PPP3CC: variants seen among roughly 807,000 people sequenced by gnomAD.
The protein encoded by PPP3CC is serine/threonine-protein phosphatase 2B catalytic subunit gamma isoform.
A neutral mutation model predicts 60.3 loss-of-function variants in PPP3CC; 35 were observed. The ratio of observed to expected loss-of-function variants is 0.58; its 90% CI spans 0.44 to 0.77. The LOEUF is 0.77. Among genes scored for constraint, PPP3CC ranks in the 30% least tolerant of loss-of-function variants. The pLI is 0.00. For synonymous variants in PPP3CC, 206 were observed against 224.3 expected (o/e 0.92, Z 0.73); for missense variants, 570 against 628.9 (o/e 0.91, Z 1.00).
At chr8:22,498,950 CCT>C (rs1223742605) in intron 4 of PPP3CC, among the ~76,000 whole-genome samples, 7 of 150,976 alleles carry the variant, frequency 4.6e-5, no homozygotes, top group Admixed American at 1.3e-4. Context: ...TGATGAAACC[CCT>C]GTCTCTACTC....
chr8:22,520,565 A>C (rs1477453271), intron 6 of PPP3CC, among the ~76,000 whole-genome samples: 1 of 151,566 alleles, frequency 6.6e-6, no homozygotes, highest in Admixed American at 6.6e-5. Context: ...TAAGTTTCCC[A>C]GTTCTTTTCT....
At chr8:22,480,026 A>G (rs1435594298) in intron 3 of PPP3CC, among the ~76,000 whole-genome samples, 1 of 152,118 alleles carries the variant, frequency 6.6e-6, no homozygotes, top group Non-Finnish European at 1.5e-5. Flanking sequence ...ATTTTTATTT[A>G]GCCTATTGCA....
intron 8 of PPP3CC, among the ~76,000 whole-genome samples, chr8:22,523,997 G>A (rs1839476207): frequency 6.6e-6 from 1 of 152,228 alleles, no homozygotes; most frequent in Admixed American, 6.5e-5. Flanking sequence ...ACTTTTAAGT[G>A]TGTCACATTT....
chr8:22,534,950 C>G (rs185635420), intron 12 of PPP3CC, among the ~76,000 whole-genome samples: 1 of 152,156 alleles, frequency 6.6e-6, no homozygotes, highest in Non-Finnish European at 1.5e-5. Context: ...GTCACTTCCT[C>G]TGGTGGGAGA....
At chr8:22,512,383 G>T (rs1282569714) in intron 5 of PPP3CC, among the ~76,000 whole-genome samples, 1 of 152,076 alleles carries the variant, frequency 6.6e-6, no homozygotes, top group African/African-American at 2.4e-5. Flanking sequence ...TTCTCTTCTT[G>T]GCATTCAGCT....
intron 3 of PPP3CC, among the ~76,000 whole-genome samples, chr8:22,484,246 C>T (rs971878588): frequency 1.1e-4 from 16 of 152,082 alleles, no homozygotes; most frequent in African/African-American, 3.9e-4. Context: ...TTTATATGAG[C>T]ACTTGTTTAC....
At chr8:22,531,879 G>A (rs1165577295) in intron 10 of PPP3CC, among the ~76,000 whole-genome samples, 1 of 152,202 alleles carries the variant, frequency 6.6e-6, no homozygotes, top group East Asian at 1.9e-4. Flanking sequence ...AGACATCTTT[G>A]CTGTAGCAGC....
chr8:22,520,502 ATTCTTTT>A (rs1211059148), intron 6 of PPP3CC, among the ~76,000 whole-genome samples: 1 of 151,676 alleles, frequency 6.6e-6, no homozygotes, highest in African/African-American at 2.4e-5. Flanking sequence ...ATTCTTTTTT[ATTCTTTT>A]TTCTTTTTGT....
Position 22,441,344 on chromosome 8 carries a change from G to T in PPP3CC, c.-66G>T. The T allele has an allele frequency of 6.7e-7, 1 of 1,484,432 alleles. No individual in the cohort carries two copies. Among genetic ancestry groups the T allele is most frequent in the Non-Finnish European group, 9.0e-7 (1 of 1,114,164 alleles). 92.0% of individuals were successfully genotyped at this position (1,484,432 alleles called of 1,614,324 possible). On this transcript the variant is annotated 5_prime_UTR_variant, in exon 1 of 14. In the 5' UTR this introduces an upstream ATG that the reference lacks. Transcript: ENST00000240139. ...GGCAGCTAAGGCTGCCCGAGGAGAAGGCGGCGGCCGCGGCGTAGGCGCACG... is the reference window on the plus strand; with the variant it reads ...GGCAGCTAAGGCTGCCCGAGGAGAATGCGGCGGCCGCGGCGTAGGCGCACG...
Position 22,513,307 on chromosome 8 carries a change from G to A in PPP3CC, c.645G>A (p.Thr215=), listed in dbSNP as rs139794851. Residue 215 remains threonine (T), a synonymous_variant, in exon 6 of 14, where the codon ACG becomes ACA. Transcript: ENST00000240139. The part of the protein sequence containing the change: ...LDDIRKLDRF[T]EPPAFGPVCD... ...GTGTCTTCTAGTTAGACAGGTTTAC[G>A]GAACCTCCCGCCTTTGGACCTGTGT... The A allele has an allele frequency of 5.0e-6, 8 of 1,610,486 alleles. No homozygotes were observed. Among genetic ancestry groups the A allele is most frequent in the Non-Finnish European group, 6.8e-6 (8 of 1,178,932 alleles).
Position 22,532,144 on chromosome 8 carries a change from T to G in PPP3CC, c.1142-81T>G, listed in dbSNP as rs1025175818. On this transcript the variant is annotated intron_variant, in intron 10 of 13. Coordinates refer to ENST00000240139, the MANE Select transcript of PPP3CC (RefSeq NM_005605.5). ...TTTTAAAAACAATTGTTTCTTTAAC[T>G]TAAGACACTTCATCCTGAATTTTTT... 6 of 1,005,024 alleles carry G rather than the reference T, an allele frequency of 6.0e-6. No homozygotes were observed. The African/African-American group carries it at 8.2e-5, about 14-fold the overall frequency. 62.3% of individuals were successfully genotyped at this position (1,005,024 alleles called of 1,614,324 possible). A position where few individuals can be genotyped will look rare whatever the true frequency, so the allele number is the denominator to read the frequency against.
Position 22,475,525 on chromosome 8 carries a change from C to G in PPP3CC, c.273C>G (p.Phe91Leu). 6.2e-7 allele frequency: 1 copy of G among 1,610,336 alleles called. No homozygotes were observed. Among genetic ancestry groups the G allele is most frequent in the African/African-American group, 1.3e-5 (1 of 74,902 alleles). The change falls in exon 3 of 14, where the codon TTC becomes TTG. Residue 91 changes from phenylalanine (F) to leucine (L), a missense_variant. By Grantham distance (22) the Phe-to-Leu change is conservative (BLOSUM62 0). Transcript: ENST00000240139. ...ITVCGDIHGQ[F>L]FDLMKLFEVG... ...TATGTGGTGATATTCATGGACAATT[C>G]TTTGACCTAATGAAGTTATTTGAAG...
intron 5 of PPP3CC, among the ~76,000 whole-genome samples, chr8:22,512,377 C>A (rs1244147839): frequency 6.6e-6 from 1 of 152,164 alleles, no homozygotes; most frequent in East Asian, 1.9e-4. Flanking sequence ...TAGAAATTCT[C>A]TTCTTGGCAT....
intron 3 of PPP3CC, among the ~76,000 whole-genome samples, chr8:22,482,735 A>C (rs751102754): frequency 6.6e-6 from 1 of 152,250 alleles, no homozygotes; most frequent in Non-Finnish European, 1.5e-5. Context: ...ATAACCTGGA[A>C]ATCAAACCGG....
chr8:22,473,071 T>G (rs762820597), intron 1 of PPP3CC, among the ~76,000 whole-genome samples: 1 of 152,180 alleles, frequency 6.6e-6, no homozygotes, highest in Admixed American at 6.6e-5. Context: ...ATGAGTCAAG[T>G]AGTAGCTGAA....
chr8:22,494,141 T>C (rs888926569), intron 3 of PPP3CC, among the ~76,000 whole-genome samples: 3 of 152,192 alleles, frequency 2.0e-5, no homozygotes, highest in Non-Finnish European at 4.4e-5. Flanking sequence ...GGCCTCTGTA[T>C]TAGTTCTTTT....
intron 1 of PPP3CC, among the ~76,000 whole-genome samples, chr8:22,446,011 G>A (rs1188864352): frequency 2.0e-5 from 3 of 152,130 alleles, no homozygotes; most frequent in Non-Finnish European, 2.9e-5. Context: ...TGTGATCAAA[G>A]CTTTATTTAT....
At chr8:22,448,409 C>T (rs1363962976) in intron 1 of PPP3CC, among the ~76,000 whole-genome samples, 6 of 122,948 alleles carry the variant, frequency 4.9e-5, no homozygotes, top group South Asian at 2.6e-4. Flanking sequence ...GATGGAGTTT[C>T]GCTCTTGTTG....
chr8:22,475,498 A>G lies in PPP3CC; in HGVS notation c.248-2A>G. 1.2e-6 allele frequency: 2 copies of G among 1,606,746 alleles called. No homozygotes were observed. The highest frequency in any genetic ancestry group is 2.2e-5 in the East Asian group (1 of 44,740). ...CACATCACTTTATGCTTTTTTTCCT[A>G]GTATGTGGTGATATTCATGGACAAT... On this transcript the variant is annotated splice_acceptor_variant, in intron 2 of 13. Transcript: ENST00000240139. LOFTEE classifies it high-confidence loss of function.
Sources: allele counts gnomAD v4.1 joint callset (sites outside exome capture counted in the v4.1 genomes callset), GRCh38; gene constraint gnomAD v4.1.1; transcripts MANE v1.5; gene names NCBI Gene and HGNC (gene_info 2026-07-23, HGNC 2026-07-21).